The following SAMD12 variants were observed in gnomAD, a reference collection of about 807,000 sequenced individuals.
The protein encoded by SAMD12 is sterile alpha motif domain-containing protein 12.
In SAMD12, 9 loss-of-function variants were observed where a neutral mutation model predicts 15.0. The ratio of observed to expected loss-of-function variants is 0.60; its 90% confidence interval spans 0.36 to 1.05. The LOEUF is 1.05. Among genes scored for constraint, SAMD12 ranks in the 50% least tolerant of loss-of-function variants. SAMD12 has a pLI of 0.01. For synonymous variants in SAMD12, 86 were observed against 90.1 expected (o/e 0.96, Z 0.25); for missense variants, 230 against 234.2 (o/e 0.98, Z 0.12).
intron 3 of SAMD12, among the ~76,000 whole-genome samples, chr8:118,419,774 C>T (rs1586698237): frequency 6.6e-6 from 1 of 152,152 alleles, no homozygotes; most frequent in South Asian, 2.1e-4. Context: ...TACAGCAGTC[C>T]TATCTTCCCC....
chr8:118,175,163 T>G, the SAMD12 span, among the ~76,000 whole-genome samples: 4 of 152,082 alleles, frequency 2.6e-5, no homozygotes, highest in South Asian at 2.1e-4. Context: ...TGGAACAGAT[T>G]AGAGAACTCA....
intron 1 of SAMD12, among the ~76,000 whole-genome samples, chr8:118,598,042 C>T (rs560081966): frequency 3.3e-5 from 5 of 152,178 alleles, no homozygotes; most frequent in African/African-American, 9.7e-5. Context: ...CTCTGTCTCT[C>T]ATATTTGTTT....
intron 2 of SAMD12, among the ~76,000 whole-genome samples, chr8:118,446,512 T>C (rs559151787): frequency 5.9e-4 from 90 of 151,610 alleles, no homozygotes; most frequent in Middle Eastern, 3.4e-3. Flanking sequence ...AAAATGATTA[T>C]TTTTTCTTTT....
intron 4 of SAMD12, among the ~76,000 whole-genome samples, chr8:118,304,873 G>A (rs1815240166): frequency 6.6e-6 from 1 of 151,106 alleles, no homozygotes; most frequent in Non-Finnish European, 1.5e-5. Flanking sequence ...CTCAGGCCAG[G>A]TGCAGTGGCT....
At position 118,378,260 on chromosome 8, in the gene SAMD12, C is replaced by T. The variant is rs1196160241; in HGVS notation, c.*1157G>A. 1 of 275,272 alleles carries T rather than the reference C, an allele frequency of 3.6e-6. No individual in the cohort carries two copies. 17.1% of individuals were successfully genotyped at this position (275,272 alleles called of 1,614,324 possible). ...TGATTCTTTTCACATTGCTGGACCTCTAGGTTGCTTGTAAATTTTCCGTTT... is the reference window on the plus strand; with the variant it reads ...TGATTCTTTTCACATTGCTGGACCTTTAGGTTGCTTGTAAATTTTCCGTTT... On this transcript the variant is annotated 3_prime_UTR_variant, in exon 4 of 4. Coordinates refer to ENST00000314727, the MANE Select transcript of SAMD12 (RefSeq NM_207506.3).
intron 3 of SAMD12, among the ~76,000 whole-genome samples, chr8:118,423,788 T>C (rs1822124200): frequency 1.3e-5 from 2 of 152,192 alleles, no homozygotes; most frequent in Non-Finnish European, 2.9e-5. Context: ...ATTTGTCAAA[T>C]GATAATAATA....
At chr8:118,548,384 T>TACACACACACAC (rs36228827) in intron 2 of SAMD12, among the ~76,000 whole-genome samples, 53 of 139,910 alleles carry the variant, frequency 3.8e-4, no homozygotes, top group East Asian at 1.0e-3. Flanking sequence ...AAAACACACA[T>TACACACACACAC]ACACACACAC....
At chr8:118,221,794 CT>C (rs1378382619) in intron 4 of SAMD12, among the ~76,000 whole-genome samples, 2 of 152,210 alleles carry the variant, frequency 1.3e-5, no homozygotes, top group Non-Finnish European at 2.9e-5. Flanking sequence ...TATGGCTTGC[CT>C]TGCGGCAATT....
At chr8:118,545,382 G>A (rs961367035) in intron 2 of SAMD12, among the ~76,000 whole-genome samples, 3 of 152,110 alleles carry the variant, frequency 2.0e-5, no homozygotes, top group Admixed American at 6.5e-5. Flanking sequence ...CAGGAGAATC[G>A]CTTGAGCCTG....
chr8:118,511,719 A>C (rs779308762), intron 2 of SAMD12, among the ~76,000 whole-genome samples: 4 of 152,208 alleles, frequency 2.6e-5, no homozygotes. Flanking sequence ...AAAGGTTTGC[A>C]TGGGGCTTCA....
At chr8:118,256,779 T>TACACACACACACAC (rs3052764) in intron 4 of SAMD12, among the ~76,000 whole-genome samples, 21 of 139,884 alleles carry the variant, frequency 1.5e-4, no homozygotes, top group South Asian at 2.4e-4. Flanking sequence ...CTGCATAAGA[T>TACACACACACACAC]ACACACACAC....
At chr8:118,462,839 A>G (rs1823466109) in intron 2 of SAMD12, among the ~76,000 whole-genome samples, 1 of 152,136 alleles carries the variant, frequency 6.6e-6, no homozygotes, top group African/African-American at 2.4e-5. Context: ...GCGGTGGCTC[A>G]CGCCTGTAAT....
intron 1 of SAMD12, among the ~76,000 whole-genome samples, chr8:118,587,034 T>A (rs1347397596): frequency 1.3e-5 from 2 of 152,228 alleles, no homozygotes; most frequent in African/African-American, 4.8e-5. Flanking sequence ...GCAGAGACTA[T>A]CTTATTCATC....
At chr8:118,586,623 A>G in intron 1 of SAMD12, among the ~76,000 whole-genome samples, 1 of 152,156 alleles carries the variant, frequency 6.6e-6, no homozygotes, top group East Asian at 1.9e-4. Context: ...GAACACAAGC[A>G]TCAGCTACAT....
At position 118,446,608 on chromosome 8, in the gene SAMD12, C is replaced by T. The variant is rs545528265; in HGVS notation, c.193-6647G>A. Among the ~76,000 whole-genome samples the T allele has an allele frequency of 1.9e-4, 29 of 152,260 alleles. No homozygotes were observed. The South Asian group carries it at 4.8e-3, about 25-fold the overall frequency. On this transcript the variant is annotated intron_variant, in intron 2 of 3. Coordinates refer to ENST00000314727, the MANE Select transcript of SAMD12 (RefSeq NM_207506.3). ...CCAGAAAATCCACAGCATCCGAAAA[C>T]GTATCCTATGAAATAGGCCACACCA...
At chr8:118,528,429 G>C (rs1275439185) in intron 2 of SAMD12, among the ~76,000 whole-genome samples, 1 of 152,168 alleles carries the variant, frequency 6.6e-6, no homozygotes, top group Non-Finnish European at 1.5e-5. Flanking sequence ...CTGATATGTA[G>C]ACAACTTATT....
chr8:118,135,178 GTTTC>G, the SAMD12 span, among the ~76,000 whole-genome samples: 1 of 152,048 alleles, frequency 6.6e-6, no homozygotes, highest in African/African-American at 2.4e-5. Flanking sequence ...ATCAGGTAGT[GTTTC>G]TTTTTTGTTT....
At chr8:118,506,650 C>A (rs1824928933) in intron 2 of SAMD12, among the ~76,000 whole-genome samples, 1 of 152,002 alleles carries the variant, frequency 6.6e-6, no homozygotes, top group South Asian at 2.1e-4. Flanking sequence ...GTATTTGATA[C>A]CATGACCAGC....
intron 4 of SAMD12, among the ~76,000 whole-genome samples, chr8:118,200,400 T>A (rs1586335676): frequency 4.5e-4 from 14 of 30,880 alleles, no homozygotes; most frequent in East Asian, 7.7e-4. Context: ...CCTATTAGAG[T>A]ACCAAAAAAA....
Sources: gnomAD v4.1 joint callset for allele counts (sites outside exome capture counted in the v4.1 genomes callset) on GRCh38, gnomAD v4.1.1 for gene constraint, MANE v1.5 for transcripts, NCBI Gene and HGNC (gene_info 2026-07-23, HGNC 2026-07-21) for gene names.